Variants in NAV3 observed in about 807,000 individuals in gnomAD.
The protein encoded by NAV3 is pore membrane and/or filament interacting like protein 1.
NAV3 carries 87 observed loss-of-function variants against 244.7 expected under a neutral mutation model. The observed-to-expected ratio is 0.36, with a 90% CI of 0.30 to 0.42. NAV3 has a LOEUF of 0.42. Among genes scored for constraint, NAV3 ranks in the 20% least tolerant of loss-of-function variants. The probability of loss-of-function intolerance (pLI) is 1.00; values close to 1 mark genes in which losing one functional copy is unlikely to be tolerated. For synonymous variants in NAV3, 1,126 were observed against 1,042.2 expected (o/e 1.08, Z -1.55); for missense variants, 2,663 against 2,893.3 (o/e 0.92, Z 1.83).
At chr12:77,972,999 A>G (rs77364523) in intron 5 of NAV3, among the ~76,000 whole-genome samples, 1 of 152,168 alleles carries the variant, frequency 6.6e-6, no homozygotes, top group Non-Finnish European at 1.5e-5. Context: ...TAAAAAAAAA[A>G]TAAAATGAAA....
At chr12:77,876,072 TATA>T (rs1178873806) in intron 1 of NAV3, among the ~76,000 whole-genome samples, 3 of 152,042 alleles carry the variant, frequency 2.0e-5, no homozygotes, top group Admixed American at 2.0e-4. Flanking sequence ...AAGTTGAAAA[TATA>T]ATTAATTTAT....
At chr12:78,017,209 G>T (rs966603485) in intron 8 of NAV3, among the ~76,000 whole-genome samples, 1 of 152,124 alleles carries the variant, frequency 6.6e-6, no homozygotes, top group Non-Finnish European at 1.5e-5. Flanking sequence ...CATATTAAGT[G>T]CACAAAAACA....
intron 12 of NAV3, among the ~76,000 whole-genome samples, chr12:78,074,031 A>G (rs141554270): frequency 4.1e-4 from 62 of 152,358 alleles, no homozygotes; most frequent in African/African-American, 1.3e-3. Context: ...ATGTAGAAAT[A>G]TGTAAAGTCC....
intron 1 of NAV3, among the ~76,000 whole-genome samples, chr12:77,938,576 TAGAA>T (rs1333932022): frequency 3.9e-5 from 6 of 152,136 alleles, no homozygotes; most frequent in African/African-American, 1.4e-4. Flanking sequence ...TATTTTCTAA[TAGAA>T]AGGAACACTT....
At chr12:78,178,502 A>G (rs926039850) in intron 28 of NAV3, among the ~76,000 whole-genome samples, 1 of 152,092 alleles carries the variant, frequency 6.6e-6, no homozygotes, top group South Asian at 2.1e-4. Context: ...GACTGTAGGT[A>G]ACTTAAACCA....
chr12:78,200,570 G>A lies in NAV3; in HGVS notation c.6813G>A (p.Glu2271=). 6.4e-7 allele frequency: 1 copy of A among 1,572,030 alleles called. No individual in the cohort carries two copies. Among genetic ancestry groups the A allele is most frequent in the Non-Finnish European group, 8.6e-7 (1 of 1,156,506 alleles). The change falls in exon 38 of 40, where the codon GAG becomes GAA. Residue 2271 remains glutamate, a synonymous_variant. Coordinates refer to ENST00000397909, the MANE Select transcript of NAV3 (RefSeq NM_001024383.2). ...ATTCTTTAGTACCTTATATTCTGGA[G>A]GCAGTGAGAGAGGGTCTTCAGGTAT... ...WNYSLVPYIL[E]AVREGLQMYG...
intron 2 of NAV3, among the ~76,000 whole-genome samples, chr12:77,685,446 T>A (rs1437785946): frequency 6.6e-6 from 1 of 150,552 alleles, no homozygotes; most frequent in Non-Finnish European, 1.5e-5. Flanking sequence ...AGCTCAAATC[T>A]TTAAGATACT....
chr12:77,775,323 G>A (rs570938147), intron 2 of NAV3, among the ~76,000 whole-genome samples: 12 of 151,586 alleles, frequency 7.9e-5, no homozygotes, highest in African/African-American at 1.2e-4. Flanking sequence ...ACCTGGAGGC[G>A]GAGGTTTGCA....
intron 2 of NAV3, among the ~76,000 whole-genome samples, chr12:77,777,082 G>A (rs947025754): frequency 5.3e-5 from 8 of 152,192 alleles, no homozygotes; most frequent in East Asian, 1.9e-4. Flanking sequence ...AACTAGTCTC[G>A]CTTTATCTGT....
At chr12:77,890,751 A>G (rs1883838087) in intron 1 of NAV3, among the ~76,000 whole-genome samples, 1 of 152,236 alleles carries the variant, frequency 6.6e-6, no homozygotes, top group Non-Finnish European at 1.5e-5. Flanking sequence ...GGCTTCTTAC[A>G]CAAAGTAGTT....
intron 5 of NAV3, among the ~76,000 whole-genome samples, chr12:77,981,122 G>C (rs12818917): frequency 0.37 from 56,757 of 152,012 alleles, 11,427 homozygotes; most frequent in South Asian, 0.45. Flanking sequence ...GATAAAAGCT[G>C]TTTCTGACTT....
At chr12:77,688,228 G>A (rs540568900) in intron 2 of NAV3, among the ~76,000 whole-genome samples, 3 of 151,994 alleles carry the variant, frequency 2.0e-5, no homozygotes, top group African/African-American at 7.2e-5. Context: ...TTTATCTGAA[G>A]CATAATTCTT....
At chr12:77,712,969 G>A (rs952985473) in intron 2 of NAV3, among the ~76,000 whole-genome samples, 1 of 152,170 alleles carries the variant, frequency 6.6e-6, no homozygotes, top group African/African-American at 2.4e-5. Flanking sequence ...TGTGATGACT[G>A]CAGCACTCAC....
chr12:77,599,256 A>G (rs1190068811), intron 2 of NAV3, among the ~76,000 whole-genome samples: 1 of 151,942 alleles, frequency 6.6e-6, no homozygotes, highest in Admixed American at 6.6e-5. Context: ...TCTATATTAT[A>G]TTTACTATGT....
rs1345568289 is a variant in NAV3, at chr12:78,180,851, G to A, written c.5518-20G>A. On this transcript the variant is annotated intron_variant, in intron 29 of 39. Coordinates refer to ENST00000397909, the MANE Select transcript of NAV3 (RefSeq NM_001024383.2). ...ATCAAACCAACTCAGTTTTTTTCAT[G>A]TTTTCCATCTTCATAACAGAATGAA... is the stretch of plus-strand genomic sequence containing the variant. The A allele has an allele frequency of 6.3e-7, 1 of 1,585,282 alleles. No individual in the cohort carries two copies. The highest frequency in any genetic ancestry group is 8.6e-7 in the Non-Finnish European group (1 of 1,164,502).
At chr12:77,942,983 C>T (rs1429790091) in intron 3 of NAV3, among the ~76,000 whole-genome samples, 1 of 152,130 alleles carries the variant, frequency 6.6e-6, no homozygotes, top group African/African-American at 2.4e-5. Flanking sequence ...CATTTTAAGT[C>T]TAGAAACTCT....
intron 2 of NAV3, among the ~76,000 whole-genome samples, chr12:77,720,204 A>G (rs571966361): frequency 4.0e-5 from 6 of 150,412 alleles, no homozygotes; most frequent in African/African-American, 9.8e-5. Flanking sequence ...TGGTTTATCA[A>G]TTTTTTTTCT....
At chr12:78,162,272 C>G (rs962162131) in intron 23 of NAV3, among the ~76,000 whole-genome samples, 3 of 152,044 alleles carry the variant, frequency 2.0e-5, no homozygotes, top group Admixed American at 6.6e-5. Context: ...AAGTATAGAG[C>G]AGAGATTCTT....
intron 2 of NAV3, among the ~76,000 whole-genome samples, chr12:77,724,632 G>C (rs923230745): frequency 1.3e-5 from 2 of 151,674 alleles, no homozygotes; most frequent in African/African-American, 4.8e-5. Context: ...TTTGCTCTTG[G>C]TGGTGTCCTC....
Sources: gnomAD v4.1 joint callset for allele counts (sites outside exome capture counted in the v4.1 genomes callset) on GRCh38, gnomAD v4.1.1 for gene constraint, MANE v1.5 for transcripts, NCBI Gene and HGNC (gene_info 2026-07-23, HGNC 2026-07-21) for gene names.